The following BMPR1B variants were observed in gnomAD, a reference collection of about 807,000 sequenced individuals.
BMPR1B encodes bone morphogenetic protein receptor type-1B.
In BMPR1B, 12 loss-of-function variants were observed where a neutral mutation model predicts 59.1. The observed-to-expected ratio is 0.20, with a 90% CI of 0.13 to 0.33. The LOEUF (loss-of-function observed/expected upper bound fraction) is 0.33, where lower values mean the gene tolerates loss of function less well. BMPR1B is among the 10% of genes least tolerant of loss of function. BMPR1B has a pLI of 1.00. For synonymous variants in BMPR1B, 237 were observed against 207.3 expected (o/e 1.14, Z -1.23); for missense variants, 550 against 610.9 (o/e 0.90, Z 1.05).
intron 3 of BMPR1B, among the ~76,000 whole-genome samples, chr4:95,022,298 A>G (rs1265110840): frequency 1.3e-5 from 2 of 152,220 alleles, no homozygotes; most frequent in Admixed American, 1.3e-4. Context: ...TGGCTGTTCG[A>G]AAATATCTTT....
At chr4:95,073,615 A>C (rs1000381197) in intron 3 of BMPR1B, among the ~76,000 whole-genome samples, 1 of 152,158 alleles carries the variant, frequency 6.6e-6, no homozygotes, top group Admixed American at 6.6e-5. Flanking sequence ...ACCAACAGAG[A>C]TGATACTCTG....
chr4:95,151,781 A>C (rs1043611767), intron 11 of BMPR1B, among the ~76,000 whole-genome samples: 3 of 152,192 alleles, frequency 2.0e-5, no homozygotes, highest in Non-Finnish European at 2.9e-5. Flanking sequence ...TCTATAAAAG[A>C]TGATTTAGGA....
chr4:94,963,778 A>G (rs1730456699), intron 2 of BMPR1B, among the ~76,000 whole-genome samples: 2 of 152,060 alleles, frequency 1.3e-5, no homozygotes, highest in African/African-American at 4.8e-5. Context: ...CGTGAAGCCC[A>G]TAGCTTTGTT....
At chr4:95,092,395 G>T (rs1730059833) in intron 3 of BMPR1B, among the ~76,000 whole-genome samples, 1 of 151,888 alleles carries the variant, frequency 6.6e-6, no homozygotes, top group Admixed American at 6.6e-5. Flanking sequence ...GTTTTCTTTG[G>T]TTTACAGTTT....
chr4:94,888,900 A>G (rs1196814136), intron 2 of BMPR1B, among the ~76,000 whole-genome samples: 2 of 151,982 alleles, frequency 1.3e-5, no homozygotes, highest in Non-Finnish European at 2.9e-5. Flanking sequence ...TCATATCTCT[A>G]AGGAAACCAT....
intron 1 of BMPR1B, among the ~76,000 whole-genome samples, chr4:94,819,072 G>C (rs977289122): frequency 1.3e-5 from 2 of 152,130 alleles, no homozygotes; most frequent in African/African-American, 4.8e-5. Context: ...GGAAATCAAG[G>C]CTGCAGTGAG....
intron 1 of BMPR1B, among the ~76,000 whole-genome samples, chr4:94,868,423 G>GGC (rs1553914055): frequency 6.6e-6 from 1 of 151,616 alleles, no homozygotes; most frequent in Non-Finnish European, 1.5e-5. Flanking sequence ...CACCCACCTC[G>GGC]GCCTCCCAAA....
At chr4:95,041,300 C>T (rs998302188) in intron 3 of BMPR1B, among the ~76,000 whole-genome samples, 7 of 152,092 alleles carry the variant, frequency 4.6e-5, no homozygotes, top group African/African-American at 7.2e-5. Flanking sequence ...CCTCCTACTT[C>T]GGCCTCCCAA....
intron 3 of BMPR1B, among the ~76,000 whole-genome samples, chr4:95,032,197 C>T (rs1239330459): frequency 6.6e-6 from 1 of 152,042 alleles, no homozygotes; most frequent in Non-Finnish European, 1.5e-5. Flanking sequence ...CTGGTGAGCT[C>T]CTGCCTCCTG....
intron 2 of BMPR1B, among the ~76,000 whole-genome samples, chr4:94,965,527 A>C (rs1730522345): frequency 6.6e-6 from 1 of 152,142 alleles, no homozygotes. Context: ...GGGTTATATA[A>C]GATATTCCAA....
intron 1 of BMPR1B, among the ~76,000 whole-genome samples, chr4:94,773,826 C>T (rs6819188): frequency 0.32 from 47,929 of 151,596 alleles, 8,311 homozygotes; most frequent in African/African-American, 0.47. Context: ...CTTTTAAAAA[C>T]TCTTTGTAAT....
chr4:94,873,819 G>A (rs78843097), intron 1 of BMPR1B, among the ~76,000 whole-genome samples: 5,340 of 152,240 alleles, frequency 0.035, 306 homozygotes, highest in African/African-American at 0.12. Flanking sequence ...CCATTTTTAA[G>A]TGCAGTTCAG....
At chr4:95,040,235 G>C (rs1725556813) in intron 3 of BMPR1B, among the ~76,000 whole-genome samples, 1 of 152,080 alleles carries the variant, frequency 6.6e-6, no homozygotes, top group African/African-American at 2.4e-5. Flanking sequence ...AGATTTTCTA[G>C]TAGCTATTTT....
chr4:94,879,734 A>G (rs2148977501), intron 2 of BMPR1B, among the ~76,000 whole-genome samples: 1 of 152,290 alleles, frequency 6.6e-6, no homozygotes, highest in Non-Finnish European at 1.5e-5. Context: ...TAGAATTAGA[A>G]GTAGAAAAAT....
At chr4:95,093,703 T>C in intron 3 of BMPR1B, among the ~76,000 whole-genome samples, 1 of 152,108 alleles carries the variant, frequency 6.6e-6, no homozygotes, top group East Asian at 1.9e-4. Flanking sequence ...GTTGAAAACA[T>C]GATTATCCAT....
chr4:95,114,640 C>T, intron 4 of BMPR1B, 80 bp from the exon 5 acceptor site: 1 of 1,122,566 alleles, frequency 8.9e-7, no homozygotes, highest in South Asian at 1.3e-5. Context: ...TTTCCTTTTC[C>T]CCTAGACACA....
At chr4:95,125,897 T>C (rs1732872256) in intron 8 of BMPR1B, among the ~76,000 whole-genome samples, 1 of 152,188 alleles carries the variant, frequency 6.6e-6, no homozygotes, top group African/African-American at 2.4e-5. Flanking sequence ...AAACTCAACC[T>C]GCCTTCCTGA....
rs566137907 is a variant in BMPR1B at position 94,764,631 on chromosome 4, C to T, written c.-183+6563C>T. Reference sequence around the variant, plus strand: ...GTCTTCTTGGATTGATAAGAACAGTCGTACTCCCTTACCTGTTTTGGACAT... The same window carrying T: ...GTCTTCTTGGATTGATAAGAACAGTTGTACTCCCTTACCTGTTTTGGACAT... On this transcript the variant is annotated intron_variant, in intron 1 of 12. Coordinates refer to ENST00000515059, the MANE Select transcript of BMPR1B (RefSeq NM_001203.3). Among the ~76,000 whole-genome samples, 7 of 152,288 alleles carry T rather than the reference C, an allele frequency of 4.6e-5. No homozygotes were observed. In the East Asian group the frequency reaches 7.7e-4, roughly 17 times the overall value.
At chr4:94,835,626 A>C (rs1193172573) in intron 1 of BMPR1B, among the ~76,000 whole-genome samples, 1 of 151,384 alleles carries the variant, frequency 6.6e-6, no homozygotes. Flanking sequence ...TTTAGATTCA[A>C]ATTTAAATTG....
Sources: allele counts gnomAD v4.1 joint callset (sites outside exome capture counted in the v4.1 genomes callset), GRCh38; gene constraint gnomAD v4.1.1; transcripts MANE v1.5; gene names NCBI Gene and HGNC (gene_info 2026-07-23, HGNC 2026-07-21).